PIGO: variants seen among roughly 807,000 people sequenced by gnomAD.
PIGO encodes the protein GPI ethanolamine phosphate transferase 3, catalytic subunit.
Under a neutral mutation model 86.9 loss-of-function variants are expected in PIGO, and 66 were observed. The ratio of observed to expected loss-of-function variants is 0.76; its 90% CI spans 0.62 to 0.93. The LOEUF is 0.93. PIGO is among the 40% of genes least tolerant of loss of function. The pLI is 0.00. For synonymous variants in PIGO, 570 were observed against 556.4 expected, an observed-to-expected ratio of 1.02 and a Z score of -0.34; for missense variants, 1,202 against 1,359.1, an observed-to-expected ratio of 0.88 and a Z score of 1.82.
intron 2 of PIGO, 103 bp from the exon 3 acceptor site, chr9:35,094,462 C>CAA: frequency 7.5e-7 from 1 of 1,333,820 alleles, no homozygotes; most frequent in Admixed American, 2.5e-5. Flanking sequence ...CCCAACCATG[C>CAA]AACCTAAAGT....
chr9:35,090,047 ATCTC>A lies in PIGO; in HGVS notation c.3069+15_3069+18del. On this transcript the variant is annotated intron_variant, in intron 9 of 10. Transcript: ENST00000378617. ...ACAGAGAAAAAACACCAACTCCCTG[ATCTC>A]TCTCCTACACCCACCTGAATACCAA... is the stretch of plus-strand genomic sequence containing the variant. 6.2e-7 allele frequency: 1 copy of A among 1,600,410 alleles called. No homozygotes were observed. The highest frequency in any genetic ancestry group is 8.6e-7 in the Non-Finnish European group (1 of 1,169,420).
In PIGO at chr9:35,091,775, C is replaced by T; in HGVS notation, c.2112G>A (p.Val704=). The change falls in exon 7 of 11, where the codon GTG becomes GTA. Residue 704 remains valine, a synonymous_variant. Coordinates refer to ENST00000378617, the MANE Select transcript of PIGO (RefSeq NM_032634.4). ...LKSPEPPMLF[V]RWGLPLMALG... Reference sequence around the variant, plus strand: ...ATGCCATTAGGGGCAGTCCCCAGCGCACAAAGAGCATGGGTGGCTCGGGGC... The same window carrying T: ...ATGCCATTAGGGGCAGTCCCCAGCGTACAAAGAGCATGGGTGGCTCGGGGC... The T allele has an allele frequency of 3.7e-6, 6 of 1,612,486 alleles. No homozygotes were observed. Among genetic ancestry groups the T allele is most frequent in the Non-Finnish European group, 5.1e-6 (6 of 1,180,026 alleles).
At chr9:35,093,757 A>G (rs548276306) in intron 4 of PIGO, 144 bp downstream of exon 4, 2 of 1,463,350 alleles carry the variant, frequency 1.4e-6, no homozygotes, top group East Asian at 2.3e-5. Flanking sequence ...CTACACATTG[A>G]GTTAATCAAG....
chr9:35,095,805 GGAGTTC>G, intron 1 of PIGO: 1 of 452,596 alleles, frequency 2.2e-6, no homozygotes, highest in Non-Finnish European at 3.8e-6. Context: ...CCTGAGGTGA[GGAGTTC>G]GAGACCAGCC....
Position 35,089,032 on chromosome 9 carries a change from G to A in PIGO, c.*60C>T. 6.2e-7 allele frequency: 1 copy of A among 1,607,382 alleles called. No individual in the cohort carries two copies. The highest frequency in any genetic ancestry group is 8.5e-7 in the Non-Finnish European group (1 of 1,176,748). On this transcript the variant is annotated 3_prime_UTR_variant, in exon 11 of 11. Transcript: ENST00000378617. Reference sequence around the variant, plus strand: ...TGCAGATCATCCAGTACCTGTACAGGCCAGGCTACACTGTTCTCAAGCACT... The same window carrying A: ...TGCAGATCATCCAGTACCTGTACAGACCAGGCTACACTGTTCTCAAGCACT...
rs1234777562 is a variant in PIGO, at chr9:35,094,460, T to C, written c.512-101A>G. The C allele has an allele frequency of 5.9e-6, 8 of 1,365,854 alleles. No homozygotes were observed. In the East Asian group the frequency reaches 9.6e-5, roughly 16 times the overall value. The allele number at this position is 1,365,854 out of a possible 1,614,324, so 84.6% of individuals were successfully genotyped here. ...AAAGACCCATCAGAAGTCCCAACCA[T>C]GCAACCTAAAGTACAGCAATTCCAT... On this transcript the variant is annotated intron_variant, in intron 2 of 10. Coordinates refer to ENST00000378617, the MANE Select transcript of PIGO (RefSeq NM_032634.4).
At chr9:35,094,101 T>G in intron 3 of PIGO, 77 bp from the exon 4 acceptor site, 1 of 1,573,390 alleles carries the variant, frequency 6.4e-7, no homozygotes, top group Non-Finnish European at 8.6e-7. Flanking sequence ...CACTCCTCTA[T>G]GTCCAGGGAT....
chr9:35,093,841 A>C, intron 4 of PIGO, 60 bp downstream of exon 4: 4 of 1,593,762 alleles, frequency 2.5e-6, no homozygotes, highest in Non-Finnish European at 3.4e-6. Context: ...CTCTAAGATA[A>C]GAGCTTCTTC....
chr9:35,090,437 A>G (rs1424616690), intron 8 of PIGO, 29 bp downstream of exon 8: 3 of 1,594,608 alleles, frequency 1.9e-6, no homozygotes. Context: ...AGAGTAAACA[A>G]TGGAAGCAAG....
At chr9:35,089,924 T>C in intron 9 of PIGO, 142 bp downstream of exon 9, 1 of 1,441,640 alleles carries the variant, frequency 6.9e-7, no homozygotes, top group Non-Finnish European at 9.2e-7. Context: ...AGAACTGCCA[T>C]TTGAGGCCAC....
In PIGO at chr9:35,092,437, GGAGTA is replaced by G. The variant is rs1209271799; in HGVS notation, c.1445_1449del (p.Leu482ProfsTer22). ...ACCAGGCCCCAGGCCACAGGTGTCA[GGAGTA>G]GAGGGCAGAATGGAAAGCCTGGGGA... On this transcript the variant is annotated frameshift_variant, in exon 7 of 11. Coordinates refer to ENST00000378617, the MANE Select transcript of PIGO (RefSeq NM_032634.4). LOFTEE classifies it high-confidence loss of function. 6.2e-7 allele frequency: 1 copy of G among 1,614,150 alleles called. No homozygotes were observed. Among genetic ancestry groups the G allele is most frequent in the African/African-American group, 1.3e-5 (1 of 74,952 alleles).
Position 35,090,226 on chromosome 9 carries a change from C to T in PIGO, c.2909G>A (p.Arg970Gln), listed in dbSNP as rs781623319. Residue 970 changes from arginine (R) to glutamine (Q), a missense_variant, in exon 9 of 11, where the codon CGG becomes CAG. Physicochemically the swap from Arg to Gln is conservative, Grantham distance 43. Transcript: ENST00000378617. The part of the protein sequence containing the change: ...WPFLCESQGL[R>Q]KRQQPPGNEA... ...ATTCCCTGGGGGCTGCTGTCTCTTC[C>T]GCAGCCCTTGACTCTCACACAGGAA... 22 of 1,614,078 alleles carry T rather than the reference C, an allele frequency of 1.4e-5. No individual in the cohort carries two copies. The highest frequency in any genetic ancestry group is 3.3e-5 in the South Asian group (3 of 91,086).
Position 35,092,784 on chromosome 9 carries a change from C to A in PIGO, c.1120-17G>T. 3 of 1,587,990 alleles carry A rather than the reference C, an allele frequency of 1.9e-6. No homozygotes were observed. The South Asian group carries it at 3.4e-5, about 18-fold the overall frequency. On this transcript the variant is annotated splice_polypyrimidine_tract_variant and intron_variant, in intron 6 of 10. Coordinates refer to ENST00000378617, the MANE Select transcript of PIGO (RefSeq NM_032634.4). ...TCGGGACACCTGGCAGAGAAAAGGT[C>A]AGAGGCCAAGGGGAACAGGTCAGAG... is the stretch of plus-strand genomic sequence containing the variant.
At chr9:35,094,456 A>G in intron 2 of PIGO, 97 bp from the exon 3 acceptor site, 1 of 1,374,420 alleles carries the variant, frequency 7.3e-7, no homozygotes, top group Non-Finnish European at 9.9e-7. Flanking sequence ...AGAAGTCCCA[A>G]CCATGCAACC....
rs767525251 is a variant in PIGO at position 35,089,459 on chromosome 9, GGA to G, written c.3070-11_3070-10del. 5.0e-6 allele frequency: 8 copies of G among 1,614,196 alleles called. No individual in the cohort carries two copies. In the South Asian group the frequency reaches 6.6e-5, roughly 13 times the overall value. On this transcript the variant is annotated splice_polypyrimidine_tract_variant and intron_variant, in intron 9 of 10. Transcript: ENST00000378617. ...AAGGCACAGGCCAGAATCTAGAGGA[GGA>G]GAGGAGGGGCCACGTTACTTGTGAA...
At chr9:35,095,855 A>C in intron 1 of PIGO, 1 of 249,592 alleles carries the variant, frequency 4.0e-6, no homozygotes, top group South Asian at 6.7e-5. Context: ...CCCTACTAAA[A>C]ATACAAAAAT....
chr9:35,088,981 T>C lies in PIGO; in HGVS notation c.*111A>G, dbSNP rs1829292833. ...ATGTCAGCGGCCCCTGGCTGCATGATAGTAAGAGTATGGCTGAGCCTGTCT... is the reference window on the plus strand; with the variant it reads ...ATGTCAGCGGCCCCTGGCTGCATGACAGTAAGAGTATGGCTGAGCCTGTCT... On this transcript the variant is annotated 3_prime_UTR_variant, in exon 11 of 11. Transcript: ENST00000378617. The C allele has an allele frequency of 6.9e-7, 1 of 1,447,088 alleles. No homozygotes were observed. Among genetic ancestry groups the C allele is most frequent in the African/African-American group, 1.4e-5 (1 of 70,812 alleles). The allele number at this position is 1,447,088 out of a possible 1,614,324, so 89.6% of individuals were successfully genotyped here.
At position 35,090,572 on chromosome 9, in the gene PIGO, A is replaced by G. The variant is rs1829371370; in HGVS notation, c.2748T>C (p.His916=). 1.9e-6 allele frequency: 3 copies of G among 1,614,136 alleles called. No homozygotes were observed. The highest frequency in any genetic ancestry group is 2.2e-5 in the South Asian group (2 of 91,094). The change falls in exon 8 of 11, where the codon CAT becomes CAC. Residue 916 remains histidine, a synonymous_variant. Coordinates refer to ENST00000378617, the MANE Select transcript of PIGO (RefSeq NM_032634.4). ...TGHQPVFPAI[H]WHAAFVGFPE... is the part of the protein sequence containing the mutation. ...GGAATCCCACGAAGGCTGCATGCCA[A>G]TGGATGGCTGGAAAGACAGGCTGGT...
chr9:35,093,512 T>C lies in PIGO; in HGVS notation c.848A>G (p.Asn283Ser), dbSNP rs2131079910. 5 of 1,614,098 alleles carry C rather than the reference T, an allele frequency of 3.1e-6. No individual in the cohort carries two copies. Among genetic ancestry groups the C allele is most frequent in the Middle Eastern group, 1.7e-4 (1 of 6,036 alleles). The part of the protein sequence containing the change: ...VVAGDHGMTT[N>S]GDHGGDSELE... Reference sequence around the variant, plus strand: ...CTCACTGTCCCCTCCATGGTCTCCATTTGTGGTCATCCCATGGTCCCCAGC... The same window carrying C: ...CTCACTGTCCCCTCCATGGTCTCCACTTGTGGTCATCCCATGGTCCCCAGC... Residue 283 changes from asparagine to serine, a missense_variant, in exon 5 of 11, where the codon AAT (asparagine) becomes AGT (serine). Coordinates refer to ENST00000378617, the MANE Select transcript of PIGO (RefSeq NM_032634.4).
Sources: allele counts gnomAD v4.1 joint callset, GRCh38; gene constraint gnomAD v4.1.1; transcripts MANE v1.5; gene names NCBI Gene and HGNC (gene_info 2026-07-23, HGNC 2026-07-21).